The following LRRC31 variants were observed in gnomAD, a reference collection of about 807,000 sequenced individuals.
The protein encoded by LRRC31 is leucine rich repeat containing 31, also known as leucine-rich repeat-containing protein 31.
A neutral mutation model predicts 46.7 loss-of-function variants in LRRC31; 35 were observed. The ratio of observed to expected loss-of-function variants is 0.75; its 90% CI spans 0.57 to 0.99. LRRC31 has a LOEUF of 0.99. Ranked by LOEUF, LRRC31 falls within the 50% of genes least tolerant of loss-of-function variation. The pLI, the probability that LRRC31 is intolerant of heterozygous loss-of-function variation, is 0.00. For missense variants in LRRC31, 613 were observed against 626.1 expected, an observed-to-expected ratio of 0.98 and a Z score of 0.22; for synonymous variants, 236 against 235.1, an observed-to-expected ratio of 1.00 and a Z score of -0.03.
At chr3:169,863,725 GC>G (rs1229953232) in intron 1 of LRRC31, among the ~76,000 whole-genome samples, 1 of 152,200 alleles carries the variant, frequency 6.6e-6, no homozygotes, top group Non-Finnish European at 1.5e-5. Flanking sequence ...ACAACAGGGT[GC>G]CCAGTTAAAT....
At position 169,869,714 on chromosome 3, in the gene LRRC31, T is replaced by A. The variant is rs1781433068; in HGVS notation, c.94A>T (p.Ser32Cys). ...NKFLRGSNAE[S>C]RKEDNDLKTS... ...TTAAGGTCATTGTCCTCTTTTCTGC[T>A]TTCAGCATTGGAGCCCCTGAGAAAT... Residue 32 changes from serine to cysteine, a missense_variant, in exon 1 of 9, where the codon AGC becomes TGC. By Grantham distance (112) the Ser-to-Cys change is moderately radical. Transcript: ENST00000316428. The A allele has an allele frequency of 6.2e-7, 1 of 1,613,452 alleles. No individual in the cohort carries two copies. Among genetic ancestry groups the A allele is most frequent in the Non-Finnish European group, 8.5e-7 (1 of 1,179,806 alleles).
In LRRC31 at chr3:169,853,121, C is replaced by T. The variant is rs17510028; in HGVS notation, c.992-1335G>A. The T allele has an allele frequency of 6.5e-3, 4,028 of 623,246 alleles. 17 individuals are homozygous for T. The highest frequency in any genetic ancestry group is 6.9e-3 in the Non-Finnish European group (3,462 of 499,444). The allele number at this position is 623,246 out of a possible 1,614,324, so 38.6% of individuals were successfully genotyped here. ...TTCACCATGTAGTTTGGGTATGCAT[C>T]GGTTTACTCCTGCCCTTGCCATACC... On this transcript the variant is annotated intron_variant, in intron 6 of 8. Transcript: ENST00000316428.
At chr3:169,844,930 CAAA>C (rs59099192) in intron 8 of LRRC31, among the ~76,000 whole-genome samples, 34,541 of 99,348 alleles carry the variant, frequency 0.35, 4,048 homozygotes, top group East Asian at 0.6. Flanking sequence ...GACTCCATCT[CAAA>C]AAAAAAAAAA....
intron 1 of LRRC31, among the ~76,000 whole-genome samples, chr3:169,864,607 A>G (rs1781274042): frequency 6.6e-6 from 1 of 152,228 alleles, no homozygotes; most frequent in Non-Finnish European, 1.5e-5. Context: ...TATTTGGTAA[A>G]TATTTGTTAA....
intron 1 of LRRC31, among the ~76,000 whole-genome samples, chr3:169,866,940 T>C (rs9858327): frequency 0.29 from 44,400 of 151,084 alleles, 10,361 homozygotes; most frequent in African/African-American, 0.66. Flanking sequence ...CCAGACTGGG[T>C]GACGGTGCGA....
At chr3:169,861,944 G>A (rs1781181054) in intron 1 of LRRC31, 131 bp from the exon 2 acceptor site, 2 of 950,682 alleles carry the variant, frequency 2.1e-6, no homozygotes, top group East Asian at 5.1e-5. Context: ...TCAACTCAGA[G>A]GCAGAGCCAT....
intron 7 of LRRC31, 55 bp from the exon 8 acceptor site, chr3:169,848,342 G>A: frequency 6.5e-7 from 1 of 1,546,244 alleles, no homozygotes; most frequent in South Asian, 1.2e-5. Context: ...ACAGATCATA[G>A]GCTTTGGATT....
intron 5 of LRRC31, 123 bp downstream of exon 5, chr3:169,856,213 T>G: frequency 4.6e-6 from 2 of 434,102 alleles, no homozygotes; most frequent in Non-Finnish European, 6.8e-6. Flanking sequence ...CATAATCTTA[T>G]TCCCCAGCAC....
chr3:169,842,530 T>C (rs1360952293), intron 8 of LRRC31, among the ~76,000 whole-genome samples: 2 of 152,114 alleles, frequency 1.3e-5, no homozygotes, highest in East Asian at 3.9e-4. Flanking sequence ...TGTGTACTTT[T>C]AGTAGAGACA....
chr3:169,863,036 C>G (rs1473613689), intron 1 of LRRC31, among the ~76,000 whole-genome samples: 1 of 151,890 alleles, frequency 6.6e-6, no homozygotes, highest in Non-Finnish European at 1.5e-5. Context: ...GCGCCTGCCA[C>G]CACGCCCGGC....
intron 8 of LRRC31, 32 bp from the exon 9 acceptor site, chr3:169,840,345 T>C (rs758990992): frequency 1.2e-6 from 2 of 1,604,894 alleles, no homozygotes; most frequent in Non-Finnish European, 1.7e-6. Context: ...AATGCTAACA[T>C]ACAAGAATAC....
chr3:169,863,911 C>G (rs1303618996), intron 1 of LRRC31, among the ~76,000 whole-genome samples: 3 of 151,934 alleles, frequency 2.0e-5, no homozygotes, highest in Non-Finnish European at 4.4e-5. Context: ...GAGTCACAAA[C>G]CATTTCATAG....
intron 8 of LRRC31, among the ~76,000 whole-genome samples, chr3:169,842,678 C>T (rs1780487427): frequency 1.3e-5 from 2 of 151,556 alleles, no homozygotes; most frequent in South Asian, 4.2e-4. Flanking sequence ...AGTAAAAATT[C>T]AAAGAAGGAA....
At chr3:169,858,597 T>C (rs1781043102) in intron 3 of LRRC31, among the ~76,000 whole-genome samples, 1 of 152,186 alleles carries the variant, frequency 6.6e-6, no homozygotes, top group Non-Finnish European at 1.5e-5. Context: ...TTTACAGAAA[T>C]TGTTTAATCC....
chr3:169,867,383 G>A lies in LRRC31; in HGVS notation c.175+2250C>T, dbSNP rs559657105. ...AGCGATTCTCCTGCCTCAGCCTCCC[G>A]AGTAGCTGGGATTACAGGCACCTGC... On this transcript the variant is annotated intron_variant, in intron 1 of 8. Coordinates refer to ENST00000316428, the MANE Select transcript of LRRC31 (RefSeq NM_024727.4). Among the ~76,000 whole-genome samples, 507 of 149,990 alleles carry A rather than the reference G, an allele frequency of 3.4e-3. 2 individuals are homozygous for A. Among genetic ancestry groups the A allele is most frequent in the Non-Finnish European group, 6.1e-3 (413 of 67,584 alleles).
chr3:169,848,136 C>T lies in LRRC31; in HGVS notation c.1311G>A (p.Glu437=). 7 of 1,613,644 alleles carry T rather than the reference C, an allele frequency of 4.3e-6. No individual in the cohort carries two copies. The highest frequency in any genetic ancestry group is 5.9e-6 in the Non-Finnish European group (7 of 1,179,604). The change falls in exon 8 of 9, where the codon GAG becomes GAA. Residue 437 remains glutamate, a synonymous_variant. Coordinates refer to ENST00000316428, the MANE Select transcript of LRRC31 (RefSeq NM_024727.4). ...GATACACACCCAGGAGAGCCACATC[C>T]TCTGTCACCAGGGAACAGCTGCTCA... is the stretch of plus-strand genomic sequence containing the variant. ...LRLSSCSLVT[E]DVALLASVIQ...
chr3:169,843,205 G>A (rs570123833), intron 8 of LRRC31, among the ~76,000 whole-genome samples: 9 of 152,314 alleles, frequency 5.9e-5, no homozygotes, highest in Non-Finnish European at 1.3e-4. Flanking sequence ...TGAGAGGCAC[G>A]GACAATCCAC....
chr3:169,866,062 C>A (rs1054958448), intron 1 of LRRC31, among the ~76,000 whole-genome samples: 4 of 152,078 alleles, frequency 2.6e-5, no homozygotes, highest in Non-Finnish European at 5.9e-5. Flanking sequence ...ATCACTAATA[C>A]CTTGAGGGCC....
intron 8 of LRRC31, among the ~76,000 whole-genome samples, chr3:169,845,482 A>C (rs1419485279): frequency 6.6e-6 from 1 of 152,248 alleles, no homozygotes; most frequent in African/African-American, 2.4e-5. Flanking sequence ...CAATCAAGAC[A>C]GCGTGATATT....
Sources: allele counts gnomAD v4.1 joint callset (sites outside exome capture counted in the v4.1 genomes callset), GRCh38; gene constraint gnomAD v4.1.1; transcripts MANE v1.5; gene names NCBI Gene and HGNC (gene_info 2026-07-23, HGNC 2026-07-21).